Variants in KCNAB1 observed in about 807,000 individuals in gnomAD.
KCNAB1 encodes the protein voltage-gated potassium channel subunit beta-1.
A neutral mutation model predicts 64.6 loss-of-function variants in KCNAB1; 35 were observed. The ratio of observed to expected loss-of-function variants is 0.54; its 90% CI spans 0.41 to 0.72. The LOEUF is 0.72. Among genes scored for constraint, KCNAB1 ranks in the 30% least tolerant of loss-of-function variants. The pLI is 0.00. For synonymous variants in KCNAB1, 177 were observed against 183.8 expected, an observed-to-expected ratio of 0.96 and a Z score of 0.30; for missense variants, 401 against 512.9, an observed-to-expected ratio of 0.78 and a Z score of 2.11.
chr3:156,345,339 A>G (rs1026618685), intron 1 of KCNAB1, among the ~76,000 whole-genome samples: 1 of 152,250 alleles, frequency 6.6e-6, no homozygotes, highest in African/African-American at 2.4e-5. Flanking sequence ...GTATAATCTT[A>G]ATACAAGGAA....
chr3:156,511,102 TTTTA>T (rs1472815480), intron 8 of KCNAB1, among the ~76,000 whole-genome samples: 2 of 152,024 alleles, frequency 1.3e-5, no homozygotes, highest in Non-Finnish European at 2.9e-5. Context: ...CCCCTTTATT[TTTTA>T]TTTTTTATTT....
chr3:156,199,036 T>C (rs1714156567), intron 1 of KCNAB1, among the ~76,000 whole-genome samples: 1 of 151,080 alleles, frequency 6.6e-6, no homozygotes. Context: ...CCCTCAGCAT[T>C]TGCTTGTCTG....
At chr3:156,236,429 G>A (rs554425635) in intron 1 of KCNAB1, among the ~76,000 whole-genome samples, 1 of 152,298 alleles carries the variant, frequency 6.6e-6, no homozygotes, top group South Asian at 2.1e-4. Flanking sequence ...ATGGTCTCTA[G>A]GAGTGGTGTC....
intron 1 of KCNAB1, among the ~76,000 whole-genome samples, chr3:156,220,838 T>G (rs1715676478): frequency 6.6e-6 from 1 of 152,256 alleles, no homozygotes; most frequent in Non-Finnish European, 1.5e-5. Context: ...TCTAGGGTTT[T>G]TATGGTGTGA....
chr3:156,149,743 T>G (rs1355754474), intron 1 of KCNAB1, among the ~76,000 whole-genome samples: 2 of 152,192 alleles, frequency 1.3e-5, no homozygotes, highest in African/African-American at 4.8e-5. Context: ...CTCTTGCCCT[T>G]TCTCCTTTTC....
chr3:156,531,652 G>A (rs1203957377), intron 13 of KCNAB1, among the ~76,000 whole-genome samples, 155 bp downstream of exon 13: 1 of 152,174 alleles, frequency 6.6e-6, no homozygotes. Context: ...ATGGATCCAG[G>A]GTTGTCCTCT....
chr3:156,423,330 G>T (rs186906341), intron 2 of KCNAB1, among the ~76,000 whole-genome samples: 1 of 152,236 alleles, frequency 6.6e-6, no homozygotes, highest in Non-Finnish European at 1.5e-5. Flanking sequence ...TCTTGAGGAC[G>T]TGAGAAGCAC....
At position 156,120,823 on chromosome 3, in the gene KCNAB1, A is replaced by G. The variant is rs1245614226; in HGVS notation, c.212A>G (p.Tyr71Cys). 5 of 1,614,204 alleles carry G rather than the reference A, an allele frequency of 3.1e-6. No homozygotes were observed. In the Admixed American group the frequency reaches 5.0e-5, roughly 16 times the overall value. Residue 71 changes from tyrosine to cysteine, a missense_variant, in exon 1 of 14, where the codon TAC (tyrosine) becomes TGC (cysteine). Physicochemically the swap from Tyr to Cys is radical, Grantham distance 194. Transcript: ENST00000490337. ...ALLREVEMNW[Y>C]LKLCDLSSEH... Reference sequence around the variant, plus strand: ...CTGCGCGAAGTGGAGATGAACTGGTACCTAAAGCTCTGCGACCTGTCCAGC... The same window carrying G: ...CTGCGCGAAGTGGAGATGAACTGGTGCCTAAAGCTCTGCGACCTGTCCAGC...
intron 1 of KCNAB1, among the ~76,000 whole-genome samples, chr3:156,225,379 G>C (rs1716085925): frequency 6.6e-6 from 1 of 152,168 alleles, no homozygotes; most frequent in Non-Finnish European, 1.5e-5. Context: ...ATTGCTTTAT[G>C]ATTAAAATCC....
intron 6 of KCNAB1, among the ~76,000 whole-genome samples, 154 bp from the exon 7 acceptor site, chr3:156,465,489 G>A (rs1713296846): frequency 6.6e-6 from 1 of 150,486 alleles, no homozygotes; most frequent in Non-Finnish European, 1.5e-5. Flanking sequence ...AAGGGGTTCA[G>A]TGTGTTGCCC....
chr3:156,210,272 T>C, intron 1 of KCNAB1, among the ~76,000 whole-genome samples: 1 of 152,152 alleles, frequency 6.6e-6, no homozygotes, highest in East Asian at 1.9e-4. Flanking sequence ...TTACTTGGGG[T>C]ACATTTCACT....
chr3:156,285,806 G>C (rs1027723287), intron 1 of KCNAB1, among the ~76,000 whole-genome samples: 16 of 152,288 alleles, frequency 1.1e-4, no homozygotes, highest in African/African-American at 3.8e-4. Context: ...CACCCGGTCT[G>C]AATTTCCTAT....
At chr3:156,428,935 T>C (rs1159985752) in intron 2 of KCNAB1, among the ~76,000 whole-genome samples, 10 of 152,242 alleles carry the variant, frequency 6.6e-5, no homozygotes, top group Admixed American at 3.3e-4. Flanking sequence ...AAATGTTCTG[T>C]GTCCTTTTAG....
intron 1 of KCNAB1, among the ~76,000 whole-genome samples, chr3:156,177,731 AT>A (rs551971754): frequency 3.7e-4 from 55 of 149,926 alleles, no homozygotes; most frequent in South Asian, 4.2e-4. Flanking sequence ...TCTCATTTAA[AT>A]GTACACAGGC....
chr3:156,304,029 A>C (rs1721325225), intron 1 of KCNAB1, among the ~76,000 whole-genome samples: 1 of 152,324 alleles, frequency 6.6e-6, no homozygotes, highest in South Asian at 2.1e-4. Context: ...CTTAGCAGCA[A>C]GGCAGTACTA....
chr3:156,472,329 A>G (rs1177224339), intron 7 of KCNAB1, among the ~76,000 whole-genome samples: 2 of 152,012 alleles, frequency 1.3e-5, no homozygotes, highest in African/African-American at 4.8e-5. Flanking sequence ...GCCTGCCTTC[A>G]CTCTTGTGCC....
chr3:156,475,432 A>G (rs1714273125), intron 8 of KCNAB1, among the ~76,000 whole-genome samples: 1 of 152,194 alleles, frequency 6.6e-6, no homozygotes, highest in Non-Finnish European at 1.5e-5. Flanking sequence ...TTCGATTTAC[A>G]TTTATTTACA....
chr3:156,238,421 C>CAA (rs745633828), intron 1 of KCNAB1, among the ~76,000 whole-genome samples: 9,758 of 71,408 alleles, frequency 0.14, 504 homozygotes, highest in Non-Finnish European at 0.19. Context: ...GACTTGGTCT[C>CAA]AAAAAAAAAA....
chr3:156,404,336 C>T (rs1490580675), intron 1 of KCNAB1, among the ~76,000 whole-genome samples: 1 of 151,994 alleles, frequency 6.6e-6, no homozygotes, highest in Non-Finnish European at 1.5e-5. Context: ...TATGCTTCAA[C>T]CGAGTTCTTA....
Sources: gnomAD v4.1 joint callset for allele counts (sites outside exome capture counted in the v4.1 genomes callset) on GRCh38, gnomAD v4.1.1 for gene constraint, MANE v1.5 for transcripts, NCBI Gene and HGNC (gene_info 2026-07-23, HGNC 2026-07-21) for gene names.